The following DHRS4L2 variants were observed in gnomAD, a reference collection of about 807,000 sequenced individuals.
The protein encoded by DHRS4L2 is dehydrogenase/reductase SDR family member 4-like 2.
Under a neutral mutation model 23.9 loss-of-function variants are expected in DHRS4L2, and 22 were observed. The observed-to-expected ratio is 0.92, with a 90% CI of 0.66 to 1.31. DHRS4L2 has a LOEUF of 1.31. DHRS4L2 is among the 40% of genes most tolerant of loss of function. The probability of loss-of-function intolerance (pLI) is 0.00; values close to 1 mark genes in which losing one functional copy is unlikely to be tolerated. For missense variants in DHRS4L2, 385 were observed against 303.3 expected, an observed-to-expected ratio of 1.27 and a Z score of -2.00; for synonymous variants, 141 against 123.7, an observed-to-expected ratio of 1.14 and a Z score of -0.93.
In DHRS4L2 at chr14:24,006,194, C is replaced by T. The variant is rs1223684838; in HGVS notation, c.*331C>T. The T allele has an allele frequency of 2.5e-6, 3 of 1,213,692 alleles. 1 individual carries two copies. The African/African-American group carries it at 4.7e-5, about 19-fold the overall frequency. The allele number at this position is 1,213,692 out of a possible 1,614,324, so 75.2% of individuals were successfully genotyped here. A position where few individuals can be genotyped will look rare whatever the true frequency, so the allele number is the denominator to read the frequency against. On this transcript the variant is annotated 3_prime_UTR_variant, in exon 8 of 8. Coordinates refer to ENST00000335125, the MANE Select transcript of DHRS4L2 (RefSeq NM_198083.4). Reference sequence around the variant, plus strand: ...TCGGGATTCCTGCTGTTGTTGTGGCCTTGGGTAAAGGCCTCCCCTGAGAAC... The same window carrying T: ...TCGGGATTCCTGCTGTTGTTGTGGCTTTGGGTAAAGGCCTCCCCTGAGAAC...
At chr14:23,982,733 G>A (rs1338000101) in intron 1 of DHRS4L2, among the ~76,000 whole-genome samples, 1 of 150,926 alleles carries the variant, frequency 6.6e-6, no homozygotes, top group Non-Finnish European at 1.5e-5. Flanking sequence ...AATGATGTTG[G>A]GAAAGCTGGC....
intron 1 of DHRS4L2, among the ~76,000 whole-genome samples, chr14:23,972,940 G>T (rs906543658): frequency 4.6e-5 from 7 of 151,944 alleles, no homozygotes; most frequent in Non-Finnish European, 8.8e-5. Context: ...TGTCGGTGGA[G>T]TAAAGAATAA....
At chr14:23,998,276 G>C (rs576762779) in intron 3 of DHRS4L2, among the ~76,000 whole-genome samples, 1 of 152,050 alleles carries the variant, frequency 6.6e-6, no homozygotes, top group South Asian at 2.1e-4. Flanking sequence ...TAAATCTTGA[G>C]AGCCCTAGAA....
intron 1 of DHRS4L2, among the ~76,000 whole-genome samples, chr14:23,975,967 T>A (rs1276389952): frequency 5.3e-5 from 8 of 151,548 alleles, no homozygotes; most frequent in Middle Eastern, 3.4e-3. Context: ...CAAGATGGAT[T>A]AAAGCCTTAA....
upstream of DHRS4L2, chr14:23,988,878 G>A (rs560149503): frequency 1.0e-3 from 1,597 of 1,576,052 alleles, 39 homozygotes; most frequent in African/African-American, 0.018. Flanking sequence ...CCCGCCCTTC[G>A]TCCTGCCCCT....
chr14:23,977,486 G>A (rs755857314), intron 1 of DHRS4L2, among the ~76,000 whole-genome samples: 11 of 151,688 alleles, frequency 7.3e-5, no homozygotes, highest in Non-Finnish European at 1.2e-4. Context: ...TATATACTAT[G>A]CATAAGGGAG....
intron 1 of DHRS4L2, among the ~76,000 whole-genome samples, chr14:23,972,523 A>T (rs2033881596): frequency 6.6e-6 from 1 of 151,978 alleles, no homozygotes; most frequent in Non-Finnish European, 1.5e-5. Flanking sequence ...GAGTGAAAGA[A>T]CAAAGCTTCC....
At chr14:23,975,274 T>G (rs1339664930) in intron 1 of DHRS4L2, among the ~76,000 whole-genome samples, 4 of 151,750 alleles carry the variant, frequency 2.6e-5, no homozygotes, top group Admixed American at 2.0e-4. Flanking sequence ...ATCACAAGCA[T>G]TCCTATATGC....
chr14:23,999,307 T>C (rs1020552672), intron 3 of DHRS4L2, among the ~76,000 whole-genome samples: 4 of 130,222 alleles, frequency 3.1e-5, no homozygotes, highest in Middle Eastern at 4.7e-3. Context: ...GAAAAATGGC[T>C]CGAATTAATG....
intron 1 of DHRS4L2, 142 bp downstream of exon 1, chr14:23,989,217 C>G (rs1296793270): frequency 2.1e-6 from 3 of 1,437,696 alleles, no homozygotes; most frequent in Admixed American, 2.3e-5. Context: ...GCCACGTGGT[C>G]CGCCTGAAGC....
intron 1 of DHRS4L2, among the ~76,000 whole-genome samples, chr14:23,971,745 G>A (rs755760223): frequency 2.0e-5 from 3 of 152,054 alleles, no homozygotes; most frequent in Non-Finnish European, 2.9e-5. Flanking sequence ...GTATGTGAAT[G>A]AGAAATAAAA....
At position 24,005,868 on chromosome 14, in the gene DHRS4L2, G is replaced by C; in HGVS notation, c.*23-18G>C. On this transcript the variant is annotated intron_variant, in intron 7 of 7. Coordinates refer to ENST00000335125, the MANE Select transcript of DHRS4L2 (RefSeq NM_198083.4). Reference sequence around the variant, plus strand: ...CCGTTTGATTTTTACCTCCTTCCTTGCTTCCCTTATTCCCCAGGTTAGGCG... The same window carrying C: ...CCGTTTGATTTTTACCTCCTTCCTTCCTTCCCTTATTCCCCAGGTTAGGCG... The C allele has an allele frequency of 5.0e-6, 8 of 1,609,478 alleles. No homozygotes were observed. The highest frequency in any genetic ancestry group is 6.8e-6 in the Non-Finnish European group (8 of 1,178,014).
Position 23,989,021 on chromosome 14 carries a change from C to A in DHRS4L2, c.74C>A (p.Thr25Asn), listed in dbSNP as rs772505020. The A allele has an allele frequency of 1.9e-6, 3 of 1,604,612 alleles. No homozygotes were observed. Among genetic ancestry groups the A allele is most frequent in the African/African-American group, 1.3e-5 (1 of 74,682 alleles). ...KSVRMASSRM[T>N]RRDPLTNKVA... ...GTGCGGATGGCCAGCTCCAGGATGA[C>A]CCGCCGGGACCCGCTCACAAATAAG... Residue 25 changes from threonine (T) to asparagine (N), a missense_variant, in exon 1 of 8, where the codon ACC becomes AAC. Transcript: ENST00000335125.
rs575148555 is a variant in DHRS4L2 at position 23,973,148 on chromosome 14, T to C, written c.-176+2816T>C. Among the ~76,000 whole-genome samples, 65 of 152,048 alleles carry C rather than the reference T, an allele frequency of 4.3e-4. No homozygotes were observed. The South Asian group carries it at 6.9e-3, about 16-fold the overall frequency. ...ACTAATCCACCAGAGCACAGACCCTTTATGGGTGTCAGGCTGGGGGACAGT... is the reference window on the plus strand; with the variant it reads ...ACTAATCCACCAGAGCACAGACCCTCTATGGGTGTCAGGCTGGGGGACAGT... On this transcript the variant is annotated intron_variant, in intron 1 of 5. Transcript: ENST00000534993.
rs1381721966 is a variant in DHRS4L2, at chr14:23,995,933, TAAAGA to T, written c.408+807_408+811del. Among the ~76,000 whole-genome samples, 13 of 151,954 alleles carry T rather than the reference TAAAGA, an allele frequency of 8.6e-5. 1 individual carries two copies. In the South Asian group the frequency reaches 2.1e-3, roughly 24 times the overall value. ...AGGAATACCTGAGCTGGGCAATTTA[TAAAGA>T]AAAGAAGTGTGTTTTGGCTTACGAT... On this transcript the variant is annotated intron_variant, in intron 3 of 7. Coordinates refer to ENST00000335125, the MANE Select transcript of DHRS4L2 (RefSeq NM_198083.4).
At position 23,988,947 on chromosome 14, in the gene DHRS4L2, C is replaced by A. The variant is rs755004048; in HGVS notation, c.-1C>A. ...GGAACCCAGACTTGCTGGTCTGATC[C>A]ATGCAGATGGCCAGGCTGCTAGGCC... is the stretch of plus-strand genomic sequence containing the variant. On this transcript the variant is annotated 5_prime_UTR_variant, in exon 1 of 8. Transcript: ENST00000335125. 3 of 1,611,988 alleles carry A rather than the reference C, an allele frequency of 1.9e-6. No homozygotes were observed. The highest frequency in any genetic ancestry group is 2.5e-6 in the Non-Finnish European group (3 of 1,179,088).
At position 23,988,946 on chromosome 14, in the gene DHRS4L2, C is replaced by T. The variant is rs1299756336; in HGVS notation, c.-2C>T. On this transcript the variant is annotated 5_prime_UTR_variant, in exon 1 of 8. Coordinates refer to ENST00000335125, the MANE Select transcript of DHRS4L2 (RefSeq NM_198083.4). ...TGGAACCCAGACTTGCTGGTCTGAT[C>T]CATGCAGATGGCCAGGCTGCTAGGC... is the stretch of plus-strand genomic sequence containing the variant. 15 of 1,611,842 alleles carry T rather than the reference C, an allele frequency of 9.3e-6. 1 individual carries two copies. Among genetic ancestry groups the T allele is most frequent in the Non-Finnish European group, 1.3e-5 (15 of 1,179,076 alleles).
chr14:23,985,493 GC>G (rs2034123777), upstream of DHRS4L2, among the ~76,000 whole-genome samples: 1 of 151,452 alleles, frequency 6.6e-6, no homozygotes, highest in South Asian at 2.1e-4. Flanking sequence ...ATTGCAAAAT[GC>G]AAGACTTAAA....
intron 1 of DHRS4L2, among the ~76,000 whole-genome samples, chr14:23,983,478 C>G (rs1024706966): frequency 6.6e-6 from 1 of 151,602 alleles, no homozygotes; most frequent in Non-Finnish European, 1.5e-5. Context: ...TGTGACCATT[C>G]CTCAAAGACC....
Sources: allele counts gnomAD v4.1 joint callset (sites outside exome capture counted in the v4.1 genomes callset), GRCh38; gene constraint gnomAD v4.1.1; transcripts MANE v1.5; gene names NCBI Gene and HGNC (gene_info 2026-07-23, HGNC 2026-07-21).